The following CEP126 variants were observed in gnomAD, a reference collection of about 807,000 sequenced individuals.
CEP126 encodes centrosomal protein of 126 kDa.
A neutral mutation model predicts 107.8 loss-of-function variants in CEP126; 74 were observed. The observed-to-expected ratio is 0.69, with a 90% confidence interval of 0.57 to 0.83. The LOEUF is 0.83. Ranked by LOEUF, CEP126 falls within the 40% of genes least tolerant of loss-of-function variation. The pLI is 0.00. For missense variants in CEP126, 1,237 were observed against 1,281.9 expected, an observed-to-expected ratio of 0.96 and a Z score of 0.53; for synonymous variants, 449 against 446.0, an observed-to-expected ratio of 1.01 and a Z score of -0.08.
In CEP126 at chr11:101,926,840, TG is replaced by T. The variant is rs370222172; in HGVS notation, c.248+4081del. Among the ~76,000 whole-genome samples, 668 of 152,352 alleles carry T rather than the reference TG, an allele frequency of 4.4e-3. 5 individuals are homozygous for T. Among genetic ancestry groups the T allele is most frequent in the African/African-American group, 0.015 (642 of 41,580 alleles). On this transcript the variant is annotated intron_variant, in intron 2 of 10. Coordinates refer to ENST00000263468, the MANE Select transcript of CEP126 (RefSeq NM_020802.4). The stretch of plus-strand genomic sequence containing the variant: ...TAAAAGTGGTTTGATCTTTTCTTCA[TG>T]CCCTACAATCATTATTATGAGCATT...
chr11:101,922,772 C>T lies in CEP126; in HGVS notation c.248+12C>T. On this transcript the variant is annotated intron_variant, in intron 2 of 10. Coordinates refer to ENST00000263468, the MANE Select transcript of CEP126 (RefSeq NM_020802.4). The stretch of plus-strand genomic sequence containing the variant: ...AATCGGAGAAAAAAGTAAGTAATTG[C>T]ACTTTATTCAGAAGTATAGAAATTC... The T allele has an allele frequency of 1.9e-6, 3 of 1,602,246 alleles. No individual in the cohort carries two copies. The highest frequency in any genetic ancestry group is 2.6e-6 in the Non-Finnish European group (3 of 1,171,074).
At chr11:101,922,847 C>T in intron 2 of CEP126, 87 bp downstream of exon 2, 1 of 1,039,530 alleles carries the variant, frequency 9.6e-7, no homozygotes, top group Non-Finnish European at 1.4e-6. Flanking sequence ...CTTTATGAAA[C>T]TAAGTCATGG....
At chr11:101,964,160 C>G (rs751115282) in intron 6 of CEP126, among the ~76,000 whole-genome samples, 18 of 150,586 alleles carry the variant, frequency 1.2e-4, no homozygotes, top group Non-Finnish European at 1.3e-4. Flanking sequence ...AAAGTTAGCC[C>G]GGCATGGTGG....
At chr11:101,936,450 C>A (rs1940580405) in intron 2 of CEP126, among the ~76,000 whole-genome samples, 1 of 151,876 alleles carries the variant, frequency 6.6e-6, no homozygotes. Flanking sequence ...CTCATTAGTT[C>A]CAGGAGTTAT....
intron 2 of CEP126, among the ~76,000 whole-genome samples, chr11:101,928,350 A>AG (rs1402863608): frequency 6.6e-6 from 1 of 152,168 alleles, no homozygotes; most frequent in African/African-American, 2.4e-5. Flanking sequence ...CTTCCGGAGC[A>AG]GAAGTTTTGA....
At chr11:101,981,857 A>T in intron 7 of CEP126, 32 bp from the exon 8 acceptor site, 1 of 1,290,088 alleles carries the variant, frequency 7.8e-7, no homozygotes, top group Non-Finnish European at 1.1e-6. Flanking sequence ...AAATATGGAA[A>T]TATGTTTTAA....
chr11:101,955,272 A>G (rs1940869170), intron 4 of CEP126, among the ~76,000 whole-genome samples: 1 of 152,244 alleles, frequency 6.6e-6, no homozygotes, highest in Non-Finnish European at 1.5e-5. Flanking sequence ...AATCCTTATC[A>G]TAAAGCTAAT....
intron 2 of CEP126, among the ~76,000 whole-genome samples, chr11:101,922,973 G>A (rs1175281694): frequency 6.6e-6 from 1 of 152,088 alleles, no homozygotes; most frequent in African/African-American, 2.4e-5. Flanking sequence ...GACAGTAGCA[G>A]TCTTTTTTTG....
rs951445862 is a variant in CEP126 at position 101,915,257 on chromosome 11, G to A, written c.-28G>A. The A allele has an allele frequency of 3.7e-6, 6 of 1,612,098 alleles. No individual in the cohort carries two copies. The African/African-American group carries it at 4.0e-5, about 11-fold the overall frequency. On this transcript the variant is annotated 5_prime_UTR_variant, in exon 1 of 11. Coordinates refer to ENST00000263468, the MANE Select transcript of CEP126 (RefSeq NM_020802.4). ...CTGCCATGAGGGAGGTTCTGGGGGC[G>A]AGCAGACAGGCGGCGCTGAAGTGAA... is the stretch of plus-strand genomic sequence containing the variant.
At chr11:101,994,506 C>T (rs114881661) in intron 10 of CEP126, among the ~76,000 whole-genome samples, 11,358 of 152,178 alleles carry the variant, frequency 0.075, 639 homozygotes, top group East Asian at 0.27. Flanking sequence ...TTTTAGGTTT[C>T]ATTTAAGTCT....
At chr11:101,917,027 AATGTGTGTGT>A (rs1565346559) in intron 1 of CEP126, among the ~76,000 whole-genome samples, 1 of 90,128 alleles carries the variant, frequency 1.1e-5, no homozygotes, top group East Asian at 3.5e-4. Context: ...AAAATCCAAC[AATGTGTGTGT>A]GTGTGTGTGT....
intron 6 of CEP126, among the ~76,000 whole-genome samples, chr11:101,973,197 T>C (rs1353684958): frequency 6.6e-6 from 1 of 152,204 alleles, no homozygotes; most frequent in African/African-American, 2.4e-5. Context: ...TCCAAAATGT[T>C]TTCCAGAGTA....
intron 6 of CEP126, among the ~76,000 whole-genome samples, chr11:101,973,859 G>A (rs1405493183): frequency 6.6e-6 from 1 of 152,034 alleles, no homozygotes; most frequent in Non-Finnish European, 1.5e-5. Context: ...GCATTCTCCT[G>A]TGAAATGTCT....
At position 101,961,874 on chromosome 11, in the gene CEP126, C is replaced by T. The variant is rs1940976415; in HGVS notation, c.839C>T (p.Thr280Ile). Residue 280 changes from threonine (T) to isoleucine (I), a missense_variant, in exon 6 of 11, where the codon ACC becomes ATC. Thr to Ile is a moderately conservative substitution (Grantham distance 89, BLOSUM62 -1). Coordinates refer to ENST00000263468, the MANE Select transcript of CEP126 (RefSeq NM_020802.4). The stretch of plus-strand genomic sequence containing the variant: ...CATTCCACATCCATCCAGCGGAATA[C>T]CATTTCCCTCAAACCAGCAAATATG... ...KEHSTSIQRN[T>I]ISLKPANMQS... 1 of 1,612,552 alleles carries T rather than the reference C, an allele frequency of 6.2e-7. No individual in the cohort carries two copies. The highest frequency in any genetic ancestry group is 1.3e-5 in the African/African-American group (1 of 74,872).
chr11:101,928,570 A>C (rs1331651135), intron 2 of CEP126, among the ~76,000 whole-genome samples: 1 of 151,996 alleles, frequency 6.6e-6, no homozygotes, highest in African/African-American at 2.4e-5. Flanking sequence ...CAAAGTTTGG[A>C]GGTTTTGTTT....
At chr11:101,966,022 G>A (rs1438658991) in intron 6 of CEP126, among the ~76,000 whole-genome samples, 1 of 152,124 alleles carries the variant, frequency 6.6e-6, no homozygotes. Flanking sequence ...CTGATTCTCT[G>A]ATAAAGGAAT....
At chr11:101,943,967 G>A (rs1369856632) in intron 2 of CEP126, among the ~76,000 whole-genome samples, 1 of 152,026 alleles carries the variant, frequency 6.6e-6, no homozygotes, top group African/African-American at 2.4e-5. Context: ...CTTAGAAAAG[G>A]CTTTTTCCAC....
intron 8 of CEP126, 36 bp from the exon 9 acceptor site, chr11:101,986,796 A>G: frequency 6.6e-7 from 1 of 1,511,480 alleles, no homozygotes; most frequent in Non-Finnish European, 9.2e-7. Flanking sequence ...CAAAGACAAA[A>G]GGGGTTCAAA....
intron 2 of CEP126, among the ~76,000 whole-genome samples, chr11:101,937,347 C>A (rs907376135): frequency 7.2e-5 from 11 of 152,166 alleles, no homozygotes; most frequent in African/African-American, 2.4e-4. Context: ...AACATTAACA[C>A]ATTGAAAAAA....
Sources: gnomAD v4.1 joint callset for allele counts (sites outside exome capture counted in the v4.1 genomes callset) on GRCh38, gnomAD v4.1.1 for gene constraint, MANE v1.5 for transcripts, NCBI Gene and HGNC (gene_info 2026-07-23, HGNC 2026-07-21) for gene names.